The following MAPK10 variants were observed in gnomAD, a reference collection of about 807,000 sequenced individuals.
MAPK10 encodes mitogen-activated protein kinase 10.
A neutral mutation model predicts 59.3 loss-of-function variants in MAPK10; 25 were observed. That is an observed-to-expected ratio of 0.42 (90% CI 0.31 to 0.59). The LOEUF (loss-of-function observed/expected upper bound fraction) is 0.59. Ranked by LOEUF, MAPK10 falls within the 20% of genes least tolerant of loss-of-function variation. The pLI is 0.15. For synonymous variants in MAPK10, 190 were observed against 200.5 expected, an observed-to-expected ratio of 0.95 and a Z score of 0.44; for missense variants, 351 against 568.9, an observed-to-expected ratio of 0.62 and a Z score of 3.90.
chr4:86,402,079 A>C (rs1013312546), intron 1 of MAPK10, among the ~76,000 whole-genome samples: 3 of 152,178 alleles, frequency 2.0e-5, no homozygotes. Context: ...GGTCATACCT[A>C]AGACTGCTGG....
chr4:86,196,679 T>G (rs2081370695), intron 2 of MAPK10, among the ~76,000 whole-genome samples: 1 of 152,194 alleles, frequency 6.6e-6, no homozygotes, highest in African/African-American at 2.4e-5. Flanking sequence ...CTTCTAGAGT[T>G]TTTATGGTTT....
intron 11 of MAPK10, among the ~76,000 whole-genome samples, chr4:86,033,370 C>G (rs1337239741): frequency 6.6e-6 from 1 of 152,200 alleles, no homozygotes; most frequent in African/African-American, 2.4e-5. Context: ...CCCCAGAGCC[C>G]TCTGAGCTGT....
At chr4:86,538,355 A>T (rs1758412088) in intron 1 of MAPK10, among the ~76,000 whole-genome samples, 1 of 152,182 alleles carries the variant, frequency 6.6e-6, no homozygotes, top group Non-Finnish European at 1.5e-5. Context: ...CATGTTGGTC[A>T]GGCTGGTCTT....
intron 3 of MAPK10, among the ~76,000 whole-genome samples, chr4:86,180,501 A>G (rs1035508667): frequency 2.1e-4 from 30 of 144,732 alleles, no homozygotes; most frequent in Admixed American, 3.4e-4. Flanking sequence ...AAAAAAAAAA[A>G]AAGAAGAAGA....
chr4:86,369,574 T>C (rs551937739), intron 1 of MAPK10, among the ~76,000 whole-genome samples: 2 of 152,326 alleles, frequency 1.3e-5, no homozygotes, highest in South Asian at 4.1e-4. Flanking sequence ...AGCTTATGTC[T>C]GGTCTAAAAA....
rs1578209385 is a variant in MAPK10 at position 86,593,910 on chromosome 4, G to C, written c.-263C>G. The C allele has an allele frequency of 3.9e-5, 6 of 152,310 alleles. 1 individual carries two copies. Among genetic ancestry groups the C allele is most frequent in the Admixed American group, 3.9e-4 (6 of 15,290 alleles). 9.4% of individuals were successfully genotyped at this position (152,310 alleles called of 1,614,324 possible). A position where few individuals can be genotyped will look rare whatever the true frequency, so the allele number is the denominator to read the frequency against. On this transcript the variant is annotated splice_region_variant and 5_prime_UTR_variant, in exon 1 of 5. Coordinates refer to the MAPK10 transcript ENST00000502302. ...GAGTAAGGGAGGAGCCAGCACTTAC[G>C]CATTTTTCACTCTCCTCCTCACTCC...
intron 2 of MAPK10, among the ~76,000 whole-genome samples, chr4:86,208,663 C>T (rs935137271): frequency 1.3e-5 from 2 of 151,762 alleles, no homozygotes; most frequent in African/African-American, 2.4e-5. Flanking sequence ...GGAAGCACTC[C>T]CTTTGAAAAC....
intron 1 of MAPK10, among the ~76,000 whole-genome samples, chr4:86,592,167 T>C (rs1274287302): frequency 6.6e-6 from 1 of 152,164 alleles, no homozygotes; most frequent in Non-Finnish European, 1.5e-5. Context: ...ATATTATTTG[T>C]AATGTAGTGC....
chr4:86,381,089 T>G (rs981633786), intron 1 of MAPK10, among the ~76,000 whole-genome samples: 3 of 152,148 alleles, frequency 2.0e-5, no homozygotes, highest in Non-Finnish European at 4.4e-5. Flanking sequence ...GTTTAAAAAT[T>G]GAAAATTTTC....
intron 2 of MAPK10, among the ~76,000 whole-genome samples, chr4:86,256,965 G>A (rs1390259774): frequency 7.8e-6 from 1 of 128,074 alleles, no homozygotes; most frequent in African/African-American, 4.2e-5. Context: ...TGTTAGCCAG[G>A]ATGGTCTCGA....
At chr4:86,498,277 T>G (rs1280124687) in intron 1 of MAPK10, among the ~76,000 whole-genome samples, 1 of 152,238 alleles carries the variant, frequency 6.6e-6, no homozygotes, top group Admixed American at 6.5e-5. Flanking sequence ...AATGGCTATT[T>G]CTGGTGCAGT....
intron 1 of MAPK10, among the ~76,000 whole-genome samples, chr4:86,487,470 C>T (rs1295974181): frequency 6.6e-6 from 1 of 151,940 alleles, no homozygotes; most frequent in Admixed American, 6.6e-5. Flanking sequence ...TGGCTCACAC[C>T]TGTAATCCCA....
intron 1 of MAPK10, among the ~76,000 whole-genome samples, chr4:86,586,330 A>T (rs1762647865): frequency 6.6e-6 from 1 of 152,110 alleles, no homozygotes; most frequent in African/African-American, 2.4e-5. Flanking sequence ...TACTTCCTTG[A>T]TCCCCTCCCT....
At chr4:86,095,715 T>G (rs1342191097) in intron 9 of MAPK10, 1 of 151,844 alleles carries the variant, frequency 6.6e-6, no homozygotes, top group African/African-American at 2.4e-5. Context: ...TGGTAGGAAG[T>G]CCTGTGCATA....
At chr4:86,506,018 G>T (rs983272846) in intron 1 of MAPK10, among the ~76,000 whole-genome samples, 21 of 152,036 alleles carry the variant, frequency 1.4e-4, no homozygotes, top group Non-Finnish European at 1.5e-5. Flanking sequence ...TTGCCCTAAA[G>T]GAATTCATAA....
intron 1 of MAPK10, among the ~76,000 whole-genome samples, chr4:86,548,848 T>C (rs1759517400): frequency 6.6e-6 from 1 of 152,160 alleles, no homozygotes; most frequent in Non-Finnish European, 1.5e-5. Context: ...CTCGTATAGC[T>C]CTGTGATATG....
At chr4:86,229,974 T>C (rs942423796) in intron 2 of MAPK10, among the ~76,000 whole-genome samples, 5 of 152,146 alleles carry the variant, frequency 3.3e-5, no homozygotes, top group Admixed American at 1.3e-4. Flanking sequence ...GGCAGGAGGA[T>C]TGCTTGAGCC....
rs149781716 is a variant in MAPK10 at position 86,547,397 on chromosome 4, C to T, written c.-263+46513G>A. Among the ~76,000 whole-genome samples the T allele has an allele frequency of 9.6e-3, 1,463 of 152,318 alleles. 17 individuals carry two copies. Among genetic ancestry groups the T allele is most frequent in the African/African-American group, 0.033 (1,379 of 41,574 alleles). On this transcript the variant is annotated intron_variant, in intron 1 of 4. Coordinates refer to the MAPK10 transcript ENST00000502302. Reference sequence around the variant, plus strand: ...TCTGCGGACCCGCACTCCCAGCAGTCGGCCGGCCCCACCGCCCGGGGCAGT... The same window carrying T: ...TCTGCGGACCCGCACTCCCAGCAGTTGGCCGGCCCCACCGCCCGGGGCAGT...
intron 1 of MAPK10, among the ~76,000 whole-genome samples, chr4:86,567,706 G>A (rs1419418251): frequency 6.6e-6 from 1 of 152,122 alleles, no homozygotes; most frequent in Non-Finnish European, 1.5e-5. Flanking sequence ...AATTTCATTT[G>A]ATAGTAGATT....
Sources: gnomAD v4.1 joint callset for allele counts (sites outside exome capture counted in the v4.1 genomes callset) on GRCh38, gnomAD v4.1.1 for gene constraint, MANE v1.5 for transcripts, NCBI Gene and HGNC (gene_info 2026-07-23, HGNC 2026-07-21) for gene names.